The following ARHGEF7 variants were observed in gnomAD, a reference collection of about 807,000 sequenced individuals.
ARHGEF7 encodes the protein Rho guanine nucleotide exchange factor 7, also known as PAK-interacting exchange factor beta.
In ARHGEF7, 33 loss-of-function variants were observed where a neutral mutation model predicts 109.8. The ratio of observed to expected loss-of-function variants is 0.30; its 90% CI spans 0.23 to 0.40. The LOEUF is 0.40. Among genes scored for constraint, ARHGEF7 ranks in the 10% least tolerant of loss-of-function variants. The pLI is 1.00. For missense variants in ARHGEF7, 938 were observed against 1,098.5 expected (o/e 0.85, Z 2.07); for synonymous variants, 458 against 424.6 (o/e 1.08, Z -0.97).
chr13:111,177,032 C>T (rs1399359101), intron 2 of ARHGEF7, among the ~76,000 whole-genome samples: 2 of 152,256 alleles, frequency 1.3e-5, no homozygotes, highest in Non-Finnish European at 1.5e-5. Context: ...GCTGGGATTA[C>T]AGGCGTGAGC....
intron 12 of ARHGEF7, chr13:111,276,051 C>G (rs1266932897): frequency 8.6e-6 from 2 of 232,898 alleles, no homozygotes; most frequent in Non-Finnish European, 1.8e-5. Context: ...ACCTGCTGCT[C>G]TCAATGCTTT....
At chr13:111,247,290 A>G (rs922454739) in intron 8 of ARHGEF7, among the ~76,000 whole-genome samples, 2 of 146,224 alleles carry the variant, frequency 1.4e-5, no homozygotes, top group African/African-American at 2.5e-5. Flanking sequence ...TTTTTTTGAT[A>G]CAGAATCTTG....
At position 111,266,264 on chromosome 13, in the gene ARHGEF7, C is replaced by A. The variant is rs1156511479; in HGVS notation, c.951-1284C>A. On this transcript the variant is annotated intron_variant, in intron 8 of 21. Transcript: ENST00000646102. This position sits in a 1 kb window ranked among gnomAD's most constrained non-coding sequence, Gnocchi z 4.8. Reference sequence around the variant, plus strand: ...TGGTGCTGAGGAGCCCCATGCTGTTCCTCATTCTCGGTGTGAACAGGTGTT... The same window carrying A: ...TGGTGCTGAGGAGCCCCATGCTGTTACTCATTCTCGGTGTGAACAGGTGTT... Among the ~76,000 whole-genome samples, 1 of 151,982 alleles carries A rather than the reference C, an allele frequency of 6.6e-6. No individual in the cohort carries two copies. Among genetic ancestry groups the A allele is most frequent in the Admixed American group, 6.6e-5 (1 of 15,260 alleles).
chr13:111,233,992 A>ATAAT (rs2086448981), intron 6 of ARHGEF7, among the ~76,000 whole-genome samples: 1 of 152,224 alleles, frequency 6.6e-6, no homozygotes, highest in South Asian at 2.1e-4. Flanking sequence ...GAATTTATTA[A>ATAAT]AATTTTAAAC....
intron 1 of ARHGEF7, among the ~76,000 whole-genome samples, chr13:111,133,337 TACAC>T (rs1235451237): frequency 3.9e-5 from 6 of 152,092 alleles, no homozygotes; most frequent in African/African-American, 1.4e-4. Flanking sequence ...TATGCAGACA[TACAC>T]ATGCACACAC....
intron 1 of ARHGEF7, among the ~76,000 whole-genome samples, chr13:111,147,003 A>G (rs2075627665): frequency 6.6e-6 from 1 of 152,148 alleles, no homozygotes; most frequent in Non-Finnish European, 1.5e-5. Flanking sequence ...TACCACGGAG[A>G]ATTTGGCACA....
intron 2 of ARHGEF7, among the ~76,000 whole-genome samples, chr13:111,198,867 C>G (rs1268589648): frequency 6.6e-6 from 1 of 152,048 alleles, no homozygotes; most frequent in Non-Finnish European, 1.5e-5. Flanking sequence ...GGTGCATTTA[C>G]AAACCTTTAG....
chr13:111,211,416 A>G (rs1253116288), intron 4 of ARHGEF7, among the ~76,000 whole-genome samples: 1 of 151,922 alleles, frequency 6.6e-6, no homozygotes, highest in Non-Finnish European at 1.5e-5. Context: ...TTTCTTTTTG[A>G]GTAGAGGACT....
chr13:111,153,608 G>A (rs1025923527), intron 1 of ARHGEF7: 12 of 1,157,648 alleles, frequency 1.0e-5, no homozygotes, highest in South Asian at 2.6e-5. Context: ...ATCCGAAGAC[G>A]TCCCGCGCGG....
chr13:111,298,586 C>G (rs1281709536), intron 19 of ARHGEF7, among the ~76,000 whole-genome samples: 1 of 152,236 alleles, frequency 6.6e-6, no homozygotes, highest in East Asian at 1.9e-4. Context: ...GTAGAGATTC[C>G]TAGGGCTGAT....
At chr13:111,155,201 C>T (rs9588366) in intron 2 of ARHGEF7, among the ~76,000 whole-genome samples, 11,221 of 152,174 alleles carry the variant, frequency 0.074, 670 homozygotes, top group African/African-American at 0.16. Flanking sequence ...TAAAAAGGGA[C>T]AACTGTATAT....
intron 3 of ARHGEF7, among the ~76,000 whole-genome samples, chr13:111,209,571 C>T: frequency 6.6e-6 from 1 of 151,852 alleles, no homozygotes; most frequent in East Asian, 1.9e-4. Context: ...GCTTTTTTTT[C>T]CAGGTGAAGG....
intron 1 of ARHGEF7, among the ~76,000 whole-genome samples, chr13:111,139,572 C>T (rs571278100): frequency 3.3e-5 from 5 of 149,450 alleles, no homozygotes; most frequent in East Asian, 4.0e-4. Flanking sequence ...CGGGTGCCTG[C>T]GTGGAGCACT....
At position 111,239,693 on chromosome 13, in the gene ARHGEF7, G is replaced by T. The variant is rs2087431292; in HGVS notation, c.760-4179G>T. Among the ~76,000 whole-genome samples, 1 of 152,016 alleles carries T rather than the reference G, an allele frequency of 6.6e-6. No individual in the cohort carries two copies. Among genetic ancestry groups the T allele is most frequent in the South Asian group, 2.1e-4 (1 of 4,810 alleles). On this transcript the variant is annotated intron_variant, in intron 6 of 21. Transcript: ENST00000646102. This position sits in a 1 kb window ranked among gnomAD's most constrained non-coding sequence, Gnocchi z 4.3. The stretch of plus-strand genomic sequence containing the variant: ...TATCAGGGAGGGTGTGCAGCTTGTG[G>T]GATCCCCTCTTTTCCTGGGCGGCGA...
rs866525512 is a variant in ARHGEF7, at chr13:111,206,967, A to G, written c.337+1594A>G. On this transcript the variant is annotated intron_variant, in intron 3 of 21. Transcript: ENST00000646102. ...ACAGAGCGAGACTCCATCTAAAAAA[A>G]AAAAAAAAGAAAAAGAAAAAAAAAG... is the stretch of plus-strand genomic sequence containing the variant. 3.7e-4 allele frequency among the ~76,000 whole-genome samples: 51 copies of G among 139,390 alleles called. 1 individual carries two copies. Among genetic ancestry groups the G allele is most frequent in the Admixed American group, 3.3e-3 (45 of 13,718 alleles). 91.4% of individuals were successfully genotyped at this position (139,390 alleles called of 152,430 possible).
chr13:111,196,368 C>T (rs935157132), intron 2 of ARHGEF7, among the ~76,000 whole-genome samples: 20 of 152,178 alleles, frequency 1.3e-4, no homozygotes, highest in South Asian at 2.1e-4. Context: ...TACCAGGTAT[C>T]ACCAAACTCT....
chr13:111,207,216 T>G (rs2082000078), intron 3 of ARHGEF7, among the ~76,000 whole-genome samples: 1 of 152,176 alleles, frequency 6.6e-6, no homozygotes, highest in African/African-American at 2.4e-5. Context: ...TCGTCCACGC[T>G]GGAACACAGT....
At chr13:111,245,123 C>T (rs1226467230) in intron 8 of ARHGEF7, among the ~76,000 whole-genome samples, 6 of 152,124 alleles carry the variant, frequency 3.9e-5, no homozygotes, top group Non-Finnish European at 7.4e-5. Context: ...TCCTGTTGAC[C>T]AATGCCGGCT....
chr13:111,301,407 C>A, intron 20 of ARHGEF7, 71 bp from the exon 21 acceptor site: 1 of 1,308,182 alleles, frequency 7.6e-7, no homozygotes, highest in East Asian at 2.3e-5. Context: ...GTAGTGTCTC[C>A]TGGTAAGTTT....
Sources: allele counts gnomAD v4.1 joint callset (sites outside exome capture counted in the v4.1 genomes callset), GRCh38; gene constraint gnomAD v4.1.1; non-coding constraint Gnocchi (gnomAD v3.1); transcripts MANE v1.5; gene names NCBI Gene and HGNC (gene_info 2026-07-23, HGNC 2026-07-21).